HEMK2: variants seen among roughly 807,000 people sequenced by gnomAD.
HEMK2 encodes the protein methyltransferase HEMK2.
chr21:28,597,661 T>G, the HEMK2 span, among the ~76,000 whole-genome samples: 1 of 152,162 alleles, frequency 6.6e-6, no homozygotes, highest in African/African-American at 2.4e-5. Context: ...AAAGGACATT[T>G]GCCAGTCATG....
chr21:28,796,758 G>A, the HEMK2 span, among the ~76,000 whole-genome samples: 2 of 151,694 alleles, frequency 1.3e-5, no homozygotes, highest in South Asian at 4.2e-4. Flanking sequence ...TTGTAGAAAC[G>A]GGAGTCTCCC....
chr21:28,751,010 C>T, the HEMK2 span, among the ~76,000 whole-genome samples: 2 of 152,002 alleles, frequency 1.3e-5, no homozygotes, highest in East Asian at 3.9e-4. Context: ...GCGGGCGGAT[C>T]ACAAGGTCCA....
At chr21:28,602,624 C>G in the HEMK2 span, among the ~76,000 whole-genome samples, 100,598 of 152,080 alleles carry the variant, frequency 0.66, 34,413 homozygotes, top group East Asian at 0.93. Flanking sequence ...CTTCAGGAAA[C>G]AAGGTCTAGG....
the HEMK2 span, among the ~76,000 whole-genome samples, chr21:28,656,978 G>A: frequency 6.6e-6 from 1 of 152,048 alleles, no homozygotes; most frequent in South Asian, 2.1e-4. Context: ...CTGTTTCATA[G>A]TAAGTGCTCA....
the HEMK2 span, among the ~76,000 whole-genome samples, chr21:28,576,954 A>T: frequency 6.6e-6 from 1 of 151,872 alleles, no homozygotes; most frequent in Non-Finnish European, 1.5e-5. Flanking sequence ...CAAGTGATCC[A>T]CCCGCCTCAG....
chr21:28,748,747 T>C, the HEMK2 span, among the ~76,000 whole-genome samples: 1 of 152,192 alleles, frequency 6.6e-6, no homozygotes, highest in Non-Finnish European at 1.5e-5. Context: ...GGTTCATCTT[T>C]CCATTGTCAG....
the HEMK2 span, among the ~76,000 whole-genome samples, chr21:28,606,182 T>C: frequency 9.9e-5 from 15 of 151,778 alleles, no homozygotes; most frequent in African/African-American, 3.4e-4. Context: ...TGGCGGGCAA[T>C]CCAAGCCCCA....
At chr21:28,806,177 C>G in the HEMK2 span, among the ~76,000 whole-genome samples, 1 of 152,204 alleles carries the variant, frequency 6.6e-6, no homozygotes, top group South Asian at 2.1e-4. Context: ...ACTGCCTGAT[C>G]AGCCTGTGAT....
At chr21:28,776,904 G>C in the HEMK2 span, among the ~76,000 whole-genome samples, 2 of 152,148 alleles carry the variant, frequency 1.3e-5, no homozygotes, top group Non-Finnish European at 2.9e-5. Flanking sequence ...CCCAGATTGA[G>C]GGTGGGCCTG....
chr21:28,862,360 C>CTACGA, the HEMK2 span, among the ~76,000 whole-genome samples: 1 of 121,334 alleles, frequency 8.2e-6, no homozygotes, highest in Non-Finnish European at 1.7e-5. Flanking sequence ...AAAGTAGTCG[C>CTACGA]CGGGCGCGGT....
chr21:28,599,848 G>T, the HEMK2 span, among the ~76,000 whole-genome samples: 2 of 152,026 alleles, frequency 1.3e-5, no homozygotes, highest in Non-Finnish European at 2.9e-5. Context: ...AAAACAAAGG[G>T]GCTACAGAGA....
At chr21:28,659,338 T>G in the HEMK2 span, among the ~76,000 whole-genome samples, 4 of 152,140 alleles carry the variant, frequency 2.6e-5, no homozygotes, top group Non-Finnish European at 4.4e-5. Context: ...TAGAGCATTT[T>G]GTTCCAAATG....
chr21:28,722,657 G>A, the HEMK2 span, among the ~76,000 whole-genome samples: 9 of 152,288 alleles, frequency 5.9e-5, no homozygotes, highest in African/African-American at 2.2e-4. Context: ...AGAGGCAGGC[G>A]GATGACCTGA....
the HEMK2 span, among the ~76,000 whole-genome samples, chr21:28,759,915 T>C: frequency 1.3e-5 from 2 of 152,156 alleles, no homozygotes; most frequent in South Asian, 2.1e-4. Flanking sequence ...TTATCAGCAG[T>C]GTCAAAACAG....
chr21:28,858,196 T>C, the HEMK2 span, among the ~76,000 whole-genome samples: 1 of 152,224 alleles, frequency 6.6e-6, no homozygotes. Flanking sequence ...CAAATAGCTA[T>C]GATTTGTTTG....
chr21:28,763,870 C>T, the HEMK2 span, among the ~76,000 whole-genome samples: 3 of 152,164 alleles, frequency 2.0e-5, 1 homozygote, highest in African/African-American at 7.2e-5. Context: ...GCCATTGTAG[C>T]CCACATGGAC....
At chr21:28,758,328 C>G in the HEMK2 span, among the ~76,000 whole-genome samples, 1 of 151,854 alleles carries the variant, frequency 6.6e-6, no homozygotes, top group South Asian at 2.1e-4. Flanking sequence ...TCATGTTGGG[C>G]GGGACAAAAA....
At chr21:28,803,273 G>T in the HEMK2 span, among the ~76,000 whole-genome samples, 2 of 152,042 alleles carry the variant, frequency 1.3e-5, no homozygotes, top group African/African-American at 4.8e-5. Context: ...TGATCCCAAG[G>T]GATTAACATA....
At chr21:28,673,006 G>T in the HEMK2 span, among the ~76,000 whole-genome samples, 1 of 131,104 alleles carries the variant, frequency 7.6e-6, no homozygotes, top group Non-Finnish European at 1.6e-5. Flanking sequence ...GAAAGAGAAA[G>T]AAAGAAAGAA....
Sources: gnomAD v4.1 joint callset for allele counts (sites outside exome capture counted in the v4.1 genomes callset) on GRCh38, gnomAD v4.1.1 for gene constraint, MANE v1.5 for transcripts, NCBI Gene and HGNC (gene_info 2026-07-23, HGNC 2026-07-21) for gene names.